Variants in COL5A2 observed in about 807,000 individuals in gnomAD.
COL5A2 encodes the protein collagen alpha-2(V) chain.
A neutral mutation model predicts 208.2 loss-of-function variants in COL5A2; 23 were observed. The ratio of observed to expected loss-of-function variants is 0.11; its 90% CI spans 0.08 to 0.16. COL5A2 has a LOEUF of 0.16. Ranked by LOEUF, COL5A2 falls within the 10% of genes least tolerant of loss-of-function variation. The probability of loss-of-function intolerance (pLI) is 1.00; values close to 1 mark genes in which losing one functional copy is unlikely to be tolerated. For synonymous variants in COL5A2, 625 were observed against 628.5 expected (o/e 0.99, Z 0.08); for missense variants, 1,590 against 1,956.4 (o/e 0.81, Z 3.53).
chr2:189,243,414 C>A, the COL5A2 span, among the ~76,000 whole-genome samples: 1 of 152,096 alleles, frequency 6.6e-6, no homozygotes, highest in African/African-American at 2.4e-5. Context: ...CTCAAGAGGT[C>A]TCACAATCAT....
intron 30 of COL5A2, 79 bp from the exon 31 acceptor site, chr2:189,060,862 C>T (rs997366003): frequency 2.0e-6 from 2 of 978,038 alleles, no homozygotes; most frequent in African/African-American, 3.2e-5. Flanking sequence ...TTACCTTTTA[C>T]AATTCATGGG....
the COL5A2 span, among the ~76,000 whole-genome samples, chr2:189,325,556 C>T: frequency 7.2e-5 from 11 of 151,766 alleles, no homozygotes; most frequent in Non-Finnish European, 1.2e-4. Flanking sequence ...TCATGATCTA[C>T]CTTAGCAATT....
At chr2:189,207,604 A>G (rs1178946958) in intron 1 of COL5A2, among the ~76,000 whole-genome samples, 2 of 152,190 alleles carry the variant, frequency 1.3e-5, no homozygotes, top group African/African-American at 2.4e-5. Flanking sequence ...AATAAATACA[A>G]TACAATGAAA....
chr2:189,057,910 A>T (rs1423792947), intron 33 of COL5A2, among the ~76,000 whole-genome samples: 1 of 152,172 alleles, frequency 6.6e-6, no homozygotes, highest in African/African-American at 2.4e-5. Context: ...GAAAAATTCT[A>T]CTTCAATTGT....
the COL5A2 span, among the ~76,000 whole-genome samples, chr2:189,298,702 C>T: frequency 6.6e-6 from 1 of 152,316 alleles, no homozygotes; most frequent in South Asian, 2.1e-4. Context: ...TGGTAGGAAC[C>T]TCCATTCTTT....
chr2:189,268,255 G>C, the COL5A2 span, among the ~76,000 whole-genome samples: 1 of 152,074 alleles, frequency 6.6e-6, no homozygotes, highest in Non-Finnish European at 1.5e-5. Context: ...GTTTCCACAA[G>C]AAACAAATGG....
intron 1 of COL5A2, among the ~76,000 whole-genome samples, chr2:189,194,369 C>A (rs557522175): frequency 6.6e-6 from 1 of 152,150 alleles, no homozygotes; most frequent in African/African-American, 2.4e-5. Context: ...AACCCACTAC[C>A]CTAATATAAT....
chr2:189,056,764 AAT>A, intron 35 of COL5A2: 1 of 614,928 alleles, frequency 1.6e-6, no homozygotes, highest in Non-Finnish European at 2.9e-6. Context: ...AGGCACAATA[AAT>A]ATGTTTTTAT....
intron 25 of COL5A2, among the ~76,000 whole-genome samples, 175 bp downstream of exon 25, chr2:189,064,382 T>TAA (rs976413136): frequency 5.2e-4 from 79 of 152,212 alleles, no homozygotes; most frequent in African/African-American, 1.4e-3. Flanking sequence ...CTATATATGA[T>TAA]AAAAATAACA....
chr2:189,408,817 T>C, the COL5A2 span, among the ~76,000 whole-genome samples: 1 of 152,140 alleles, frequency 6.6e-6, no homozygotes, highest in Admixed American at 6.5e-5. Flanking sequence ...CCAGATATAT[T>C]TGTGAGTCTG....
the COL5A2 span, among the ~76,000 whole-genome samples, chr2:189,356,741 C>A: frequency 6.6e-6 from 1 of 152,206 alleles, no homozygotes; most frequent in African/African-American, 2.4e-5. Context: ...TCTGTCAATT[C>A]ATCAAACTCA....
rs1687236468 is a variant in COL5A2, at chr2:189,110,339, G to A, written c.208C>T (p.Leu70Phe). 2 of 1,614,044 alleles carry A rather than the reference G, an allele frequency of 1.2e-6. No homozygotes were observed. The highest frequency in any genetic ancestry group is 1.7e-5 in the Admixed American group (1 of 60,002). The change falls in exon 2 of 54, where the codon CTC becomes TTC. Residue 70 changes from leucine to phenylalanine, a missense_variant. Coordinates refer to ENST00000374866, the MANE Select transcript of COL5A2 (RefSeq NM_000393.5). ...TCCTGGCATTCTATCTTGTCACAGA[G>A]AATGGCTCCATTGTCACAGACACAG... ...QICVCDNGAI[L>F]CDKIECQDVL...
At chr2:189,067,922 T>A in intron 21 of COL5A2, 93 bp downstream of exon 21, 1 of 1,053,082 alleles carries the variant, frequency 9.5e-7, no homozygotes, top group African/African-American at 1.6e-5. Flanking sequence ...AGTCACGTTA[T>A]CTATGTTTCA....
the COL5A2 span, among the ~76,000 whole-genome samples, chr2:189,320,073 C>T: frequency 0.57 from 86,108 of 152,092 alleles, 26,213 homozygotes; most frequent in East Asian, 0.71. Flanking sequence ...GTAGAACTCC[C>T]GCAAATTCCA....
chr2:189,254,355 T>C, the COL5A2 span, among the ~76,000 whole-genome samples: 531 of 152,346 alleles, frequency 3.5e-3, 3 homozygotes, highest in African/African-American at 0.012. Context: ...ACAGCAGTTA[T>C]GAAGGGTGTA....
chr2:189,117,646 TA>T (rs775660856), intron 1 of COL5A2, among the ~76,000 whole-genome samples: 3 of 152,070 alleles, frequency 2.0e-5, no homozygotes, highest in African/African-American at 7.2e-5. Flanking sequence ...GCTCAAATGT[TA>T]CCTACTCTGG....
the COL5A2 span, among the ~76,000 whole-genome samples, chr2:189,344,342 C>G: frequency 1.3e-5 from 2 of 152,238 alleles, no homozygotes; most frequent in East Asian, 3.9e-4. Context: ...TCGGGTCAAA[C>G]AGCATCACAG....
the COL5A2 span, among the ~76,000 whole-genome samples, chr2:189,396,669 A>C: frequency 4.7e-5 from 1 of 21,432 alleles, no homozygotes; most frequent in African/African-American, 1.2e-4. Context: ...GCAAGACTCC[A>C]TTAAAAAAAA....
chr2:189,245,428 A>T, the COL5A2 span, among the ~76,000 whole-genome samples: 1 of 152,068 alleles, frequency 6.6e-6, no homozygotes, highest in East Asian at 1.9e-4. Context: ...AGCTCAAACT[A>T]TGGTATGCCT....
Sources: gnomAD v4.1 joint callset for allele counts (sites outside exome capture counted in the v4.1 genomes callset) on GRCh38, gnomAD v4.1.1 for gene constraint, MANE v1.5 for transcripts, NCBI Gene and HGNC (gene_info 2026-07-23, HGNC 2026-07-21) for gene names.